The following DLG1 variants were observed in gnomAD, a reference collection of about 807,000 sequenced individuals.
The protein encoded by DLG1 is disks large homolog 1.
DLG1 carries 42 observed loss-of-function variants against 123.4 expected under a neutral mutation model. The ratio of observed to expected loss-of-function variants is 0.34; its 90% CI spans 0.27 to 0.44. The LOEUF (loss-of-function observed/expected upper bound fraction) is 0.44, where lower values mean the gene tolerates loss of function less well. Ranked by LOEUF, DLG1 falls within the 20% of genes least tolerant of loss-of-function variation. The probability of loss-of-function intolerance (pLI) is 1.00; values close to 1 mark genes in which losing one functional copy is unlikely to be tolerated. For missense variants in DLG1, 942 were observed against 1,082.6 expected, an observed-to-expected ratio of 0.87 and a Z score of 1.82; for synonymous variants, 317 against 356.2, an observed-to-expected ratio of 0.89 and a Z score of 1.24.
At chr3:197,201,655 T>C (rs1317625085) in intron 4 of DLG1, among the ~76,000 whole-genome samples, 1 of 152,060 alleles carries the variant, frequency 6.6e-6, no homozygotes, top group Admixed American at 6.6e-5. Flanking sequence ...AAAACAGTGA[T>C]GAAATACATT....
intron 4 of DLG1, among the ~76,000 whole-genome samples, chr3:197,226,585 T>C (rs1265588001): frequency 6.6e-6 from 1 of 152,182 alleles, no homozygotes; most frequent in East Asian, 1.9e-4. Flanking sequence ...TTGATTCCTC[T>C]CTATAAACAA....
chr3:197,137,183 T>C (rs1320409369), intron 9 of DLG1, among the ~76,000 whole-genome samples: 1 of 152,104 alleles, frequency 6.6e-6, no homozygotes, highest in Non-Finnish European at 1.5e-5. Flanking sequence ...TATCAGATAA[T>C]TTCTCAGCTC....
chr3:197,193,205 G>A (rs868513629), intron 5 of DLG1, among the ~76,000 whole-genome samples: 2 of 151,890 alleles, frequency 1.3e-5, no homozygotes, highest in African/African-American at 2.4e-5. Context: ...TAAAAAGAAC[G>A]ACCCAATACA....
At chr3:197,289,336 G>A (rs1271293059) in intron 3 of DLG1, among the ~76,000 whole-genome samples, 5 of 86,586 alleles carry the variant, frequency 5.8e-5, no homozygotes, top group Non-Finnish European at 1.2e-4. Context: ...GTGTATACAC[G>A]CGCATACACA....
intron 4 of DLG1, among the ~76,000 whole-genome samples, chr3:197,257,527 G>A (rs1160517103): frequency 6.6e-6 from 1 of 152,098 alleles, no homozygotes; most frequent in African/African-American, 2.4e-5. Context: ...AATAAAGGCA[G>A]CAAAAAGAGG....
intron 1 of DLG1, chr3:197,297,822 G>A: frequency 4.1e-6 from 4 of 985,354 alleles, no homozygotes; most frequent in African/African-American, 1.7e-5. Flanking sequence ...AGCGGCGTGC[G>A]CTCGGAACTG....
chr3:197,112,420 A>C (rs1465925832), intron 13 of DLG1, among the ~76,000 whole-genome samples: 3 of 152,090 alleles, frequency 2.0e-5, no homozygotes, highest in Non-Finnish European at 4.4e-5. Flanking sequence ...GGCCATTCAC[A>C]TATCTTTTGT....
At chr3:197,096,576 T>C (rs1481697828) in intron 14 of DLG1, among the ~76,000 whole-genome samples, 1 of 152,256 alleles carries the variant, frequency 6.6e-6, no homozygotes, top group African/African-American at 2.4e-5. Context: ...ATTGATCAAG[T>C]TGTAGAAAGA....
chr3:197,271,779 C>T (rs1006483644), intron 4 of DLG1, among the ~76,000 whole-genome samples: 27 of 152,114 alleles, frequency 1.8e-4, no homozygotes, highest in Non-Finnish European at 3.8e-4. Flanking sequence ...CTTACTCTTA[C>T]GAGATGCGTG....
chr3:197,242,486 C>T (rs1329445298), intron 4 of DLG1, among the ~76,000 whole-genome samples: 2 of 151,706 alleles, frequency 1.3e-5, no homozygotes, highest in South Asian at 2.1e-4. Context: ...GGAGAATACA[C>T]ATTCTTTTTA....
intron 4 of DLG1, among the ~76,000 whole-genome samples, chr3:197,255,420 G>C (rs1272763196): frequency 6.6e-6 from 1 of 152,196 alleles, no homozygotes; most frequent in African/African-American, 2.4e-5. Context: ...TAAAGTAAGT[G>C]AAAGTGTGTC....
intron 18 of DLG1, 74 bp downstream of exon 18, chr3:197,076,512 G>T: frequency 8.8e-7 from 1 of 1,137,684 alleles, no homozygotes; most frequent in South Asian, 1.5e-5. Flanking sequence ...CTGTCTCCAT[G>T]GTAACAACCA....
intron 4 of DLG1, among the ~76,000 whole-genome samples, chr3:197,268,278 C>T (rs1762516156): frequency 6.6e-6 from 1 of 152,188 alleles, no homozygotes; most frequent in South Asian, 2.1e-4. Flanking sequence ...CTTCTAGGAA[C>T]ACATAAGTCT....
chr3:197,158,392 G>A (rs1372940535), intron 5 of DLG1, among the ~76,000 whole-genome samples: 1 of 151,050 alleles, frequency 6.6e-6, no homozygotes, highest in Non-Finnish European at 1.5e-5. Context: ...GGAGGCCGAG[G>A]CAGGCGGACT....
intron 4 of DLG1, among the ~76,000 whole-genome samples, chr3:197,243,070 G>T (rs555921221): frequency 6.6e-6 from 1 of 152,240 alleles, no homozygotes; most frequent in South Asian, 2.1e-4. Flanking sequence ...AGTTACGATC[G>T]CAAGAGCACA....
At chr3:197,294,697 A>C (rs1435822543) in intron 3 of DLG1, among the ~76,000 whole-genome samples, 3 of 151,458 alleles carry the variant, frequency 2.0e-5, no homozygotes, top group Non-Finnish European at 2.9e-5. Flanking sequence ...AGCTAACTCT[A>C]TCAAAGTTCA....
chr3:197,178,783 G>A (rs1306347454), intron 5 of DLG1, among the ~76,000 whole-genome samples: 4 of 152,154 alleles, frequency 2.6e-5, no homozygotes, highest in African/African-American at 9.7e-5. Flanking sequence ...AGTTGTTGTA[G>A]GGTCAAGTAA....
Position 197,296,405 on chromosome 3 carries a change from C to T in DLG1, c.92G>A (p.Arg31Lys). The stretch of plus-strand genomic sequence containing the variant: ...GTTAATAACCCGTTCTATGGAACTT[C>T]TGAGCTGTCTGTCTTCAGTTTGGCT... ...KLSQTEDRQL[R>K]SSIERVINIF... The change falls in exon 3 of 25, where the codon AGA (arginine) becomes AAA (lysine). Residue 31 changes from arginine to lysine, a missense_variant. Physicochemically the swap from Arg to Lys is conservative, Grantham distance 26. Coordinates refer to ENST00000667157, the MANE Select transcript of DLG1 (RefSeq NM_001366207.1). 10 of 1,613,502 alleles carry T rather than the reference C, an allele frequency of 6.2e-6. No individual in the cohort carries two copies. Among genetic ancestry groups the T allele is most frequent in the Non-Finnish European group, 8.5e-6 (10 of 1,179,534 alleles).
intron 19 of DLG1, 66 bp downstream of exon 19, chr3:197,069,152 TC>T: frequency 9.4e-7 from 1 of 1,064,252 alleles, no homozygotes; most frequent in Non-Finnish European, 1.3e-6. Flanking sequence ...TCACTCAGAA[TC>T]CCTCCACCCC....
Sources: allele counts gnomAD v4.1 joint callset (sites outside exome capture counted in the v4.1 genomes callset), GRCh38; gene constraint gnomAD v4.1.1; transcripts MANE v1.5; gene names NCBI Gene and HGNC (gene_info 2026-07-23, HGNC 2026-07-21).